The following CSMD1 variants were observed in gnomAD, a reference collection of about 807,000 sequenced individuals.
CSMD1 encodes the protein CUB and sushi domain-containing protein 1.
In CSMD1, 213 loss-of-function variants were observed where a neutral mutation model predicts 417.5. That is an observed-to-expected ratio of 0.51 (90% CI 0.46 to 0.57). CSMD1 has a LOEUF of 0.57. CSMD1 is among the 20% of genes least tolerant of loss of function. The pLI is 0.00. For missense variants in CSMD1, 6,923 were observed against 4,529.7 expected (o/e 1.53, Z -15.17); for synonymous variants, 2,862 against 1,736.8 (o/e 1.65, Z -16.11).
At chr8:4,390,354 C>T (rs1186426450) in intron 3 of CSMD1, among the ~76,000 whole-genome samples, 1 of 151,982 alleles carries the variant, frequency 6.6e-6, no homozygotes, top group East Asian at 1.9e-4. Flanking sequence ...CATAATAATA[C>T]CACATTCCAA....
chr8:3,216,799 G>T (rs1456246993), intron 29 of CSMD1, among the ~76,000 whole-genome samples: 1 of 152,220 alleles, frequency 6.6e-6, no homozygotes, highest in African/African-American at 2.4e-5. Flanking sequence ...CCTCAGCCAG[G>T]ATTTGTGAAT....
At chr8:4,710,861 A>C (rs1295595875) in intron 1 of CSMD1, among the ~76,000 whole-genome samples, 1 of 151,558 alleles carries the variant, frequency 6.6e-6, no homozygotes, top group Non-Finnish European at 1.5e-5. Context: ...AATAATAATA[A>C]TAAATAAAAA....
intron 12 of CSMD1, among the ~76,000 whole-genome samples, chr8:3,439,959 G>C (rs944882010): frequency 6.6e-6 from 1 of 152,080 alleles, no homozygotes. Flanking sequence ...AAAACCAGGA[G>C]GGCATCTTCT....
chr8:3,369,625 A>G (rs566804487), intron 18 of CSMD1, among the ~76,000 whole-genome samples: 1 of 152,226 alleles, frequency 6.6e-6, no homozygotes, highest in Non-Finnish European at 1.5e-5. Flanking sequence ...TGGAACCTGC[A>G]TTAACAAGCC....
intron 5 of CSMD1, among the ~76,000 whole-genome samples, chr8:3,758,815 T>G (rs563593382): frequency 1.3e-5 from 2 of 152,222 alleles, no homozygotes; most frequent in South Asian, 4.2e-4. Flanking sequence ...AACAATGCGC[T>G]TACTGAGCTT....
intron 3 of CSMD1, among the ~76,000 whole-genome samples, chr8:4,107,922 G>C (rs377256760): frequency 6.6e-6 from 1 of 152,084 alleles, no homozygotes; most frequent in Admixed American, 6.5e-5. Flanking sequence ...TAACATTTTC[G>C]TCAAAGTTTT....
chr8:3,271,680 G>C (rs1035093691), intron 26 of CSMD1, among the ~76,000 whole-genome samples: 6 of 152,230 alleles, frequency 3.9e-5, no homozygotes, highest in African/African-American at 1.4e-4. Context: ...CTGATAGCCA[G>C]TGATGATGAG....
chr8:4,411,517 C>A (rs1351804743), intron 3 of CSMD1, among the ~76,000 whole-genome samples: 3 of 152,214 alleles, frequency 2.0e-5, no homozygotes, highest in Non-Finnish European at 4.4e-5. Flanking sequence ...CCCACATTAT[C>A]ATCAGACATT....
intron 2 of CSMD1, among the ~76,000 whole-genome samples, chr8:4,469,769 G>A (rs191075641): frequency 6.6e-6 from 1 of 152,178 alleles, no homozygotes; most frequent in East Asian, 1.9e-4. Context: ...CTTGGAATAT[G>A]CCAGGCGACA....
At chr8:3,636,476 C>A (rs1250043767) in intron 7 of CSMD1, among the ~76,000 whole-genome samples, 3 of 152,190 alleles carry the variant, frequency 2.0e-5, no homozygotes, top group Non-Finnish European at 4.4e-5. Context: ...CCTCTCCTGT[C>A]CCTGGAAGTA....
At chr8:3,633,421 T>A (rs1454474711) in intron 7 of CSMD1, among the ~76,000 whole-genome samples, 1 of 152,196 alleles carries the variant, frequency 6.6e-6, no homozygotes, top group African/African-American at 2.4e-5. Context: ...AGTGAATGGT[T>A]GCTACTCCCG....
chr8:3,690,918 ATAAT>A, intron 7 of CSMD1, among the ~76,000 whole-genome samples: 1 of 152,348 alleles, frequency 6.6e-6, no homozygotes, highest in Non-Finnish European at 1.5e-5. Context: ...AATAAATTGA[ATAAT>A]TAAATAAATT....
intron 41 of CSMD1, among the ~76,000 whole-genome samples, chr8:3,130,736 C>G (rs915784161): frequency 6.6e-6 from 1 of 151,894 alleles, no homozygotes; most frequent in Non-Finnish European, 1.5e-5. Context: ...CAGAGAGTGG[C>G]AGACCCCAGG....
At chr8:4,893,218 T>C (rs1380935922) in intron 1 of CSMD1, among the ~76,000 whole-genome samples, 1 of 152,198 alleles carries the variant, frequency 6.6e-6, no homozygotes, top group Non-Finnish European at 1.5e-5. Context: ...TGTATTGGTA[T>C]CTGAATTTCT....
At chr8:3,568,866 T>A (rs940114274) in intron 10 of CSMD1, among the ~76,000 whole-genome samples, 2 of 152,106 alleles carry the variant, frequency 1.3e-5, no homozygotes, top group African/African-American at 2.4e-5. Flanking sequence ...CAGTAGAAGG[T>A]AGGTCCTTCA....
chr8:3,743,669 G>T (rs1214757456), intron 6 of CSMD1, among the ~76,000 whole-genome samples: 1 of 152,080 alleles, frequency 6.6e-6, no homozygotes, highest in Non-Finnish European at 1.5e-5. Flanking sequence ...AAGATGAAAA[G>T]CTCCACACTT....
At chr8:4,628,377 T>A (rs1455283650) in intron 2 of CSMD1, among the ~76,000 whole-genome samples, 2 of 147,706 alleles carry the variant, frequency 1.4e-5, no homozygotes, top group Non-Finnish European at 3.0e-5. Context: ...TGTGTGTATA[T>A]ATACACACAT....
intron 3 of CSMD1, among the ~76,000 whole-genome samples, chr8:4,197,299 G>A (rs986151861): frequency 1.3e-5 from 2 of 152,176 alleles, no homozygotes; most frequent in Admixed American, 6.5e-5. Context: ...GTATTATGAT[G>A]GGTAATGTTA....
chr8:4,566,088 G>A (rs541414090), intron 2 of CSMD1, among the ~76,000 whole-genome samples: 15 of 152,080 alleles, frequency 9.9e-5, no homozygotes, highest in East Asian at 3.9e-4. Flanking sequence ...CTTCCTCAAT[G>A]CAGTTATCCA....
Sources: gnomAD v4.1 joint callset for allele counts (sites outside exome capture counted in the v4.1 genomes callset) on GRCh38, gnomAD v4.1.1 for gene constraint, MANE v1.5 for transcripts, NCBI Gene and HGNC (gene_info 2026-07-23, HGNC 2026-07-21) for gene names.